Variants in HDAC9 observed in about 807,000 individuals in gnomAD.
HDAC9 encodes MEF-2 interacting transcription repressor (MITR) protein.
In HDAC9, 41 loss-of-function variants were observed where a neutral mutation model predicts 139.4. The ratio of observed to expected loss-of-function variants is 0.29; its 90% confidence interval spans 0.23 to 0.38. The LOEUF (loss-of-function observed/expected upper bound fraction) is 0.38, where lower values mean the gene tolerates loss of function less well. HDAC9 is among the 10% of genes least tolerant of loss of function. The pLI is 1.00. For missense variants in HDAC9, 1,147 were observed against 1,297.0 expected, an observed-to-expected ratio of 0.88 and a Z score of 1.78; for synonymous variants, 517 against 476.2, an observed-to-expected ratio of 1.09 and a Z score of -1.12.
intron 13 of HDAC9, among the ~76,000 whole-genome samples, chr7:18,729,086 G>C (rs1785807144): frequency 6.6e-6 from 1 of 152,100 alleles, no homozygotes; most frequent in African/African-American, 2.4e-5. Context: ...GATTCACCGA[G>C]TTTTTGCTCA....
At chr7:18,635,817 C>G (rs905500434) in intron 8 of HDAC9, among the ~76,000 whole-genome samples, 7 of 152,010 alleles carry the variant, frequency 4.6e-5, no homozygotes, top group African/African-American at 1.4e-4. Context: ...GGTTATCCAG[C>G]CTCTGTTAGA....
At chr7:18,861,452 C>A (rs1348461629) in intron 21 of HDAC9, among the ~76,000 whole-genome samples, 1 of 152,050 alleles carries the variant, frequency 6.6e-6, no homozygotes, top group Non-Finnish European at 1.5e-5. Flanking sequence ...ACCATTTTGC[C>A]CAGCTCCCTA....
At chr7:18,779,062 G>A (rs529618801) in intron 16 of HDAC9, among the ~76,000 whole-genome samples, 18 of 152,020 alleles carry the variant, frequency 1.2e-4, no homozygotes, top group African/African-American at 3.6e-4. Context: ...GAATCTGAAC[G>A]TCTTCCCTGT....
intron 1 of HDAC9, among the ~76,000 whole-genome samples, chr7:18,408,325 G>A (rs190933971): frequency 6.6e-6 from 1 of 152,232 alleles, no homozygotes; most frequent in Non-Finnish European, 1.5e-5. Context: ...TGAAGGAAGA[G>A]AATGAATGAA....
intron 1 of HDAC9, among the ~76,000 whole-genome samples, chr7:18,460,680 C>T (rs112942522): frequency 1.1e-4 from 17 of 150,030 alleles, no homozygotes; most frequent in African/African-American, 2.9e-4. Flanking sequence ...CCCAGCTACT[C>T]GGGAGGCTGA....
intron 12 of HDAC9, among the ~76,000 whole-genome samples, chr7:18,722,692 A>G (rs1451627335): frequency 6.6e-6 from 1 of 152,190 alleles, no homozygotes; most frequent in Non-Finnish European, 1.5e-5. Flanking sequence ...ATTAATATGC[A>G]GTATAATAAC....
chr7:18,443,768 A>G lies in HDAC9; in HGVS notation c.-41-52494A>G, dbSNP rs187394666. On this transcript the variant is annotated intron_variant, in intron 1 of 3. Coordinates refer to the HDAC9 transcript ENST00000413509. Reference sequence around the variant, plus strand: ...CCCGTTTTAATTTGTACACACACAAACATTATGTTCTTTCTCTCCCTCTCT... The same window carrying G: ...CCCGTTTTAATTTGTACACACACAAGCATTATGTTCTTTCTCTCCCTCTCT... Among the ~76,000 whole-genome samples the G allele has an allele frequency of 1.4e-3, 217 of 151,898 alleles. 5 individuals are homozygous for G. The highest frequency in any genetic ancestry group is 5.1e-3 in the African/African-American group (211 of 41,406).
At chr7:18,687,634 A>G (rs182769447) in intron 12 of HDAC9, among the ~76,000 whole-genome samples, 11 of 151,964 alleles carry the variant, frequency 7.2e-5, no homozygotes, top group African/African-American at 2.4e-4. Context: ...GGAATAAATT[A>G]TTTCAACATA....
intron 2 of HDAC9, among the ~76,000 whole-genome samples, chr7:18,201,329 C>G (rs1012019123): frequency 2.6e-5 from 4 of 152,208 alleles, no homozygotes; most frequent in Admixed American, 2.0e-4. Flanking sequence ...ATACCATTCT[C>G]TTTGTGTTCT....
chr7:18,984,187 C>A (rs1490684601), intron 25 of HDAC9, among the ~76,000 whole-genome samples: 1 of 151,996 alleles, frequency 6.6e-6, no homozygotes, highest in Non-Finnish European at 1.5e-5. Context: ...TTTGGCTTAG[C>A]ATTATTTTTT....
In HDAC9 at chr7:18,897,203, G is replaced by C. The variant is rs367969962; in HGVS notation, c.2803+22607G>C. ...GGTCTGACTGAATTTTTCAGAAATA[G>C]CTTTACTGACATTTTTCTACATAAT... On this transcript the variant is annotated intron_variant, in intron 22 of 25. Coordinates refer to ENST00000686413, the MANE Select transcript of HDAC9 (RefSeq NM_178425.4). Among the ~76,000 whole-genome samples, 14 of 152,016 alleles carry C rather than the reference G, an allele frequency of 9.2e-5. No homozygotes were observed. The East Asian group carries it at 2.5e-3, about 27-fold the overall frequency.
chr7:18,920,662 T>C (rs888163400), intron 22 of HDAC9, among the ~76,000 whole-genome samples: 17 of 152,192 alleles, frequency 1.1e-4, no homozygotes, highest in African/African-American at 3.8e-4. Flanking sequence ...TTTTGAGATA[T>C]GTCCCATCAA....
At chr7:18,150,992 C>G (rs1786737398) in intron 1 of HDAC9, among the ~76,000 whole-genome samples, 1 of 152,110 alleles carries the variant, frequency 6.6e-6, no homozygotes, top group Non-Finnish European at 1.5e-5. Flanking sequence ...TAAAGGGCTG[C>G]TACAGATGTT....
chr7:18,562,470 G>A (rs953291552), intron 2 of HDAC9, among the ~76,000 whole-genome samples: 1 of 152,042 alleles, frequency 6.6e-6, no homozygotes, highest in Non-Finnish European at 1.5e-5. Flanking sequence ...GAGGTTTTCT[G>A]TGTGTATGTG....
chr7:18,451,481 G>A (rs902631684), intron 1 of HDAC9, among the ~76,000 whole-genome samples: 1 of 151,190 alleles, frequency 6.6e-6, no homozygotes, highest in Non-Finnish European at 1.5e-5. Flanking sequence ...ATATAGGTGA[G>A]TATATTGGAT....
At chr7:18,800,915 T>C (rs920768853) in intron 17 of HDAC9, among the ~76,000 whole-genome samples, 6 of 152,108 alleles carry the variant, frequency 3.9e-5, no homozygotes, top group Admixed American at 1.3e-4. Context: ...GAAAAGAATT[T>C]TAGTGGCATC....
At chr7:18,698,413 A>C (rs1783213170) in intron 12 of HDAC9, among the ~76,000 whole-genome samples, 1 of 152,240 alleles carries the variant, frequency 6.6e-6, no homozygotes, top group Non-Finnish European at 1.5e-5. Context: ...TAAATAAGTT[A>C]TGCTTAACTC....
chr7:18,533,490 A>G (rs1809752869), intron 2 of HDAC9, among the ~76,000 whole-genome samples: 1 of 152,138 alleles, frequency 6.6e-6, no homozygotes, highest in Admixed American at 6.5e-5. Flanking sequence ...ATAGATTTGT[A>G]TGACTGGGCA....
chr7:18,732,957 GTGTGTATGTGTA>G (rs1380136654), intron 13 of HDAC9, among the ~76,000 whole-genome samples: 1 of 140,552 alleles, frequency 7.1e-6, no homozygotes, highest in Admixed American at 6.9e-5. Context: ...ACGTGTATGT[GTGTGTATGTGTA>G]TATACACATG....
Sources: gnomAD v4.1 joint callset for allele counts (sites outside exome capture counted in the v4.1 genomes callset) on GRCh38, gnomAD v4.1.1 for gene constraint, MANE v1.5 for transcripts, NCBI Gene and HGNC (gene_info 2026-07-23, HGNC 2026-07-21) for gene names.